Variants in OXR1 observed in about 807,000 individuals in gnomAD.
OXR1 encodes the protein oxidation resistance protein 1.
Under a neutral mutation model 104.6 loss-of-function variants are expected in OXR1, and 41 were observed. The ratio of observed to expected loss-of-function variants is 0.39; its 90% confidence interval spans 0.31 to 0.51. OXR1 has a LOEUF of 0.51. Ranked by LOEUF, OXR1 falls within the 20% of genes least tolerant of loss-of-function variation. OXR1 has a pLI of 0.77. For missense variants in OXR1, 955 were observed against 1,031.9 expected (o/e 0.93, Z 1.02); for synonymous variants, 348 against 348.4 (o/e 1.00, Z 0.01).
intron 2 of OXR1, among the ~76,000 whole-genome samples, chr8:106,497,240 A>G (rs1311383839): frequency 2.0e-5 from 3 of 152,232 alleles, no homozygotes; most frequent in Non-Finnish European, 4.4e-5. Context: ...TAAACTCTTC[A>G]TATACTTTAA....
intron 3 of OXR1, among the ~76,000 whole-genome samples, chr8:106,640,779 A>G (rs1823564275): frequency 1.3e-5 from 2 of 152,292 alleles, no homozygotes; most frequent in Non-Finnish European, 1.5e-5. Context: ...CAGTGATTCA[A>G]TGTTCAAATT....
chr8:106,519,169 T>C, intron 3 of OXR1, 30 bp downstream of exon 3: 1 of 1,463,300 alleles, frequency 6.8e-7, no homozygotes, highest in Non-Finnish European at 9.3e-7. Flanking sequence ...TGCAAGTGAA[T>C]AGATGAAATC....
chr8:106,653,071 G>GAAAAA (rs536723741), intron 3 of OXR1, among the ~76,000 whole-genome samples: 5 of 129,928 alleles, frequency 3.8e-5, no homozygotes, highest in African/African-American at 1.4e-4. Flanking sequence ...AGGAGAAATA[G>GAAAAA]AAAAAAAAAA....
chr8:106,482,125 GA>G (rs1265003399), intron 2 of OXR1, among the ~76,000 whole-genome samples: 1 of 151,828 alleles, frequency 6.6e-6, no homozygotes, highest in Non-Finnish European at 1.5e-5. Context: ...ATTTAATGAG[GA>G]AAAAGGTATG....
intron 3 of OXR1, among the ~76,000 whole-genome samples, chr8:106,635,392 T>C: frequency 6.6e-6 from 1 of 152,326 alleles, no homozygotes; most frequent in Admixed American, 6.5e-5. Context: ...ATAAATTTGT[T>C]TTTATTTTAA....
At chr8:106,648,964 G>A (rs1337903349) in intron 3 of OXR1, among the ~76,000 whole-genome samples, 1 of 152,130 alleles carries the variant, frequency 6.6e-6, no homozygotes, top group African/African-American at 2.4e-5. Flanking sequence ...CAGCATTTTG[G>A]GAAGCAGAGG....
intron 3 of OXR1, among the ~76,000 whole-genome samples, chr8:106,576,401 T>C (rs1817834151): frequency 6.6e-6 from 1 of 151,174 alleles, no homozygotes; most frequent in Non-Finnish European, 1.5e-5. Flanking sequence ...GAAATTATTC[T>C]TTTGTATATT....
At chr8:106,386,072 G>GGCAGCA (rs148685430) in intron 2 of OXR1, among the ~76,000 whole-genome samples, 8,644 of 151,972 alleles carry the variant, frequency 0.057, 816 homozygotes, top group African/African-American at 0.2. Flanking sequence ...TTGAGCAGTG[G>GGCAGCA]GCAGCAGCAG....
intron 1 of OXR1, among the ~76,000 whole-genome samples, chr8:106,334,715 TCTC>T (rs1302545416): frequency 1.4e-4 from 21 of 152,190 alleles, no homozygotes; most frequent in Non-Finnish European, 2.6e-4. Flanking sequence ...TGCTTCCCCT[TCTC>T]CTGCCATTCT....
At chr8:106,460,804 T>C (rs1264705165) in intron 2 of OXR1, among the ~76,000 whole-genome samples, 1 of 152,128 alleles carries the variant, frequency 6.6e-6, no homozygotes, top group Non-Finnish European at 1.5e-5. Context: ...GACTGATGGA[T>C]GAGCCAAAAT....
chr8:106,414,287 T>A (rs1250514589), intron 2 of OXR1, among the ~76,000 whole-genome samples: 2 of 152,128 alleles, frequency 1.3e-5, no homozygotes, highest in Admixed American at 1.3e-4. Context: ...TAAGAGACCA[T>A]GATCAGCTCC....
chr8:106,534,294 G>T lies in OXR1; in HGVS notation c.220+15155G>T, dbSNP rs560168388. ...ACACATAAAATACTTTTCACTATTT[G>T]ATCCCAAGTTATCATCCTGAATCAA... On this transcript the variant is annotated intron_variant, in intron 3 of 16. Coordinates refer to ENST00000517566, the MANE Select transcript of OXR1 (RefSeq NM_001198533.2). 1.4e-4 allele frequency among the ~76,000 whole-genome samples: 21 copies of T among 152,252 alleles called. 1 individual carries two copies. In the South Asian group the frequency reaches 1.9e-3, roughly 14 times the overall value.
At chr8:106,423,412 T>C (rs1329266133) in intron 2 of OXR1, among the ~76,000 whole-genome samples, 1 of 152,196 alleles carries the variant, frequency 6.6e-6, no homozygotes, top group African/African-American at 2.4e-5. Flanking sequence ...TCAAACTAAA[T>C]GACTGGGGTT....
At chr8:106,712,894 T>G (rs1440385804) in intron 10 of OXR1, among the ~76,000 whole-genome samples, 1 of 152,022 alleles carries the variant, frequency 6.6e-6, no homozygotes, top group Non-Finnish European at 1.5e-5. Context: ...TTTTAATGTT[T>G]ACATGGAATT....
At position 106,532,352 on chromosome 8, in the gene OXR1, T is replaced by C. The variant is rs1051713609; in HGVS notation, c.220+13213T>C. Among the ~76,000 whole-genome samples the C allele has an allele frequency of 2.0e-5, 3 of 152,234 alleles. No homozygotes were observed. The South Asian group carries it at 6.2e-4, about 31-fold the overall frequency. ...TAAGAGCCTTGGCTCTGGAATTACA[T>C]ACAATTGGATTTGGATCCTACCTCT... On this transcript the variant is annotated intron_variant, in intron 3 of 16. Coordinates refer to ENST00000517566, the MANE Select transcript of OXR1 (RefSeq NM_001198533.2).
intron 2 of OXR1, among the ~76,000 whole-genome samples, chr8:106,516,998 G>A (rs1489385915): frequency 6.6e-6 from 1 of 152,054 alleles, no homozygotes; most frequent in Non-Finnish European, 1.5e-5. Context: ...TATATCCCCT[G>A]CAGATAAGAA....
intron 3 of OXR1, among the ~76,000 whole-genome samples, chr8:106,556,130 T>G (rs899396014): frequency 6.6e-6 from 1 of 152,006 alleles, no homozygotes; most frequent in African/African-American, 2.4e-5. Flanking sequence ...TATTGATGGT[T>G]GCCAGGGCCT....
intron 2 of OXR1, among the ~76,000 whole-genome samples, chr8:106,372,855 C>T (rs1412770747): frequency 6.6e-6 from 1 of 152,146 alleles, no homozygotes; most frequent in Non-Finnish European, 1.5e-5. Context: ...GAGATGTCAT[C>T]TATAGAAACA....
chr8:106,359,214 C>T (rs577320505), intron 1 of OXR1, among the ~76,000 whole-genome samples: 1 of 152,190 alleles, frequency 6.6e-6, no homozygotes, highest in African/African-American at 2.4e-5. Context: ...ATCACATTCT[C>T]TCATTTCCCT....
Sources: allele counts gnomAD v4.1 joint callset (sites outside exome capture counted in the v4.1 genomes callset), GRCh38; gene constraint gnomAD v4.1.1; transcripts MANE v1.5; gene names NCBI Gene and HGNC (gene_info 2026-07-23, HGNC 2026-07-21).